Variants in ITGA11 observed in about 807,000 individuals in gnomAD.
ITGA11 encodes the protein integrin alpha-11.
Under a neutral mutation model 141.9 loss-of-function variants are expected in ITGA11, and 97 were observed. The observed-to-expected ratio is 0.68, with a 90% confidence interval of 0.58 to 0.81. The LOEUF (loss-of-function observed/expected upper bound fraction) is 0.81, where lower values mean the gene tolerates loss of function less well. Ranked by LOEUF, ITGA11 falls within the 30% of genes least tolerant of loss-of-function variation. ITGA11 has a pLI of 0.00. For synonymous variants in ITGA11, 658 were observed against 624.6 expected, an observed-to-expected ratio of 1.05 and a Z score of -0.80; for missense variants, 1,387 against 1,559.2, an observed-to-expected ratio of 0.89 and a Z score of 1.86.
In ITGA11 at chr15:68,302,085, T is replaced by TAGG. The variant is rs1893049188; in HGVS notation, c.*973_*974insCCT. On this transcript the variant is annotated 3_prime_UTR_variant, in exon 30 of 30. Transcript: ENST00000315757. Reference sequence around the variant, plus strand: ...GTGTGTGTGTGTGTGTGTGTGTGTGTGTGTGTGTGTGTGTGTGTGTGTGTG... The same window carrying TAGG: ...GTGTGTGTGTGTGTGTGTGTGTGTGTAGGGTGTGTGTGTGTGTGTGTGTGTGTG... 4 of 73,842 alleles carry TAGG rather than the reference T, an allele frequency of 5.4e-5. No individual in the cohort carries two copies. The highest frequency in any genetic ancestry group is 6.4e-5 in the Non-Finnish European group (2 of 31,228). The allele number at this position is 73,842 out of a possible 1,614,324, so 4.6% of individuals were successfully genotyped here. A position where few individuals can be genotyped will look rare whatever the true frequency, so the allele number is the denominator to read the frequency against.
chr15:68,374,794 C>G (rs1895687143), intron 2 of ITGA11, among the ~76,000 whole-genome samples: 3 of 152,252 alleles, frequency 2.0e-5, no homozygotes, highest in Admixed American at 2.0e-4. Context: ...TGGGTTCAAT[C>G]CCCTCCCTGA....
intron 25 of ITGA11, 62 bp downstream of exon 25, chr15:68,311,228 T>G (rs1317722930): frequency 3.8e-6 from 5 of 1,306,204 alleles, no homozygotes; most frequent in Non-Finnish European, 5.4e-6. Flanking sequence ...GGGACACACG[T>G]AGGGGGAGTG....
intron 2 of ITGA11, among the ~76,000 whole-genome samples, chr15:68,373,585 ACT>A (rs1895650633): frequency 2.0e-5 from 3 of 151,962 alleles, no homozygotes; most frequent in African/African-American, 7.2e-5. Context: ...AGGGATTCTG[ACT>A]CTATTCCCAG....
chr15:68,404,459 A>G (rs1896592442), intron 1 of ITGA11, among the ~76,000 whole-genome samples: 1 of 152,124 alleles, frequency 6.6e-6, no homozygotes, highest in Admixed American at 6.5e-5. Context: ...CAAATGCTTT[A>G]CCCCTTTGGG....
In ITGA11 at chr15:68,343,395, C is replaced by T. The variant is rs538090767; in HGVS notation, c.1132-3751G>A. Among the ~76,000 whole-genome samples the T allele has an allele frequency of 2.7e-3, 406 of 152,272 alleles. 3 individuals are homozygous for T. The highest frequency in any genetic ancestry group is 9.4e-3 in the African/African-American group (390 of 41,554). ...TAGTAAGTCTCAAAACGAACACTTC[C>T]AGTTCCAAGCCTTGATTCGATTTCA... On this transcript the variant is annotated intron_variant, in intron 10 of 29. Transcript: ENST00000315757.
intron 15 of ITGA11, among the ~76,000 whole-genome samples, chr15:68,330,002 G>A (rs1191058869): frequency 2.6e-5 from 4 of 152,212 alleles, no homozygotes; most frequent in Non-Finnish European, 4.4e-5. Context: ...GCTGTTTTAC[G>A]CCACACTGGA....
intron 10 of ITGA11, among the ~76,000 whole-genome samples, chr15:68,348,472 G>A (rs543844579): frequency 2.6e-5 from 4 of 152,334 alleles, no homozygotes; most frequent in Admixed American, 6.5e-5. Context: ...GGCACACCCC[G>A]CGCCTCACAG....
rs564461481 is a variant in ITGA11, at chr15:68,322,654, G to A, written c.2323-1151C>T. Among the ~76,000 whole-genome samples, 1 of 152,142 alleles carries A rather than the reference G, an allele frequency of 6.6e-6. No individual in the cohort carries two copies. Among genetic ancestry groups the A allele is most frequent in the South Asian group, 2.1e-4 (1 of 4,810 alleles). Reference sequence around the variant, plus strand: ...GGCTGAGACAGGTGGATCAACTGAGGTCAGGAGTTCAAGAACAACCAGGCC... The same window carrying A: ...GGCTGAGACAGGTGGATCAACTGAGATCAGGAGTTCAAGAACAACCAGGCC... On this transcript the variant is annotated intron_variant, in intron 18 of 29. Transcript: ENST00000315757. This position sits in a 1 kb window ranked among gnomAD's most constrained non-coding sequence, Gnocchi z 5.6.
chr15:68,393,084 C>T (rs1419983394), intron 2 of ITGA11, among the ~76,000 whole-genome samples: 2 of 152,102 alleles, frequency 1.3e-5, no homozygotes, highest in Admixed American at 1.3e-4. Flanking sequence ...AATAAAATAT[C>T]TGTAATAAAG....
intron 10 of ITGA11, among the ~76,000 whole-genome samples, chr15:68,343,713 G>T (rs1894644236): frequency 6.6e-6 from 1 of 152,180 alleles, no homozygotes; most frequent in Non-Finnish European, 1.5e-5. Context: ...GGCTGTAGAG[G>T]GGTGAGGCTC....
chr15:68,428,332 G>C (rs996420158), intron 1 of ITGA11, among the ~76,000 whole-genome samples: 7 of 152,094 alleles, frequency 4.6e-5, no homozygotes, highest in Non-Finnish European at 8.8e-5. Flanking sequence ...ACTACAGGAG[G>C]GTGGAAAAAG....
chr15:68,361,542 T>C, intron 5 of ITGA11, 48 bp downstream of exon 5: 1 of 1,280,416 alleles, frequency 7.8e-7, no homozygotes. Flanking sequence ...CAAGTCTCTC[T>C]GGACTGTCCA....
Position 68,400,687 on chromosome 15 carries a change from T to TATATTATATATTATATAATAA in ITGA11, c.164+2210_164+2230dup, listed in dbSNP as rs1293943986. Among the ~76,000 whole-genome samples the TATATTATATATTATATAATAA allele has an allele frequency of 3.2e-3, 108 of 34,150 alleles. 10 individuals carry two copies. The highest frequency in any genetic ancestry group is 4.3e-3 in the Non-Finnish European group (95 of 22,306). 22.4% of individuals were successfully genotyped at this position (34,150 alleles called of 152,430 possible). A position where few individuals can be genotyped will look rare whatever the true frequency, so the allele number is the denominator to read the frequency against. ...ATATTATATATTATATAATAAATAT[T>TATATTATATATTATATAATAA]ATATTATATATTATATAATAAATAT... is the stretch of plus-strand genomic sequence containing the variant. On this transcript the variant is annotated intron_variant, in intron 2 of 29. Coordinates refer to ENST00000315757, the MANE Select transcript of ITGA11 (RefSeq NM_001004439.2).
At chr15:68,366,652 G>C (rs1020180157) in intron 3 of ITGA11, among the ~76,000 whole-genome samples, 1 of 152,136 alleles carries the variant, frequency 6.6e-6, no homozygotes, top group Non-Finnish European at 1.5e-5. Flanking sequence ...AAATCCCTGT[G>C]TTGGAGTTAG....
intron 13 of ITGA11, 39 bp from the exon 14 acceptor site, chr15:68,332,101 G>T: frequency 6.6e-7 from 1 of 1,514,050 alleles, no homozygotes; most frequent in Non-Finnish European, 9.0e-7. Context: ...GGGAGGGTTT[G>T]GCAAAAGTCC....
At position 68,412,314 on chromosome 15, in the gene ITGA11, A is replaced by G. The variant is rs534534276; in HGVS notation, c.53-9285T>C. ...ACTCAAGATCTCATCAGGAAGACCC[A>G]ACATTAGGCAGAGCTGGGCCCGGGC... On this transcript the variant is annotated intron_variant, in intron 1 of 29. Coordinates refer to ENST00000315757, the MANE Select transcript of ITGA11 (RefSeq NM_001004439.2). Among the ~76,000 whole-genome samples, 6 of 152,252 alleles carry G rather than the reference A, an allele frequency of 3.9e-5. No individual in the cohort carries two copies. In the East Asian group the frequency reaches 7.8e-4, roughly 20 times the overall value.
At chr15:68,421,951 A>G (rs1489919671) in intron 1 of ITGA11, among the ~76,000 whole-genome samples, 1 of 152,226 alleles carries the variant, frequency 6.6e-6, no homozygotes, top group Admixed American at 6.5e-5. Context: ...CACCATCAGC[A>G]GCAAGCACAT....
At chr15:68,361,097 G>A (rs549259038) in intron 5 of ITGA11, among the ~76,000 whole-genome samples, 1 of 152,172 alleles carries the variant, frequency 6.6e-6, no homozygotes, top group African/African-American at 2.4e-5. Context: ...GGCTCTGGAC[G>A]AGCTGGACAG....
chr15:68,396,141 C>G (rs1358893128), intron 2 of ITGA11, among the ~76,000 whole-genome samples: 1 of 151,812 alleles, frequency 6.6e-6, no homozygotes, highest in African/African-American at 2.4e-5. Context: ...TACAAATACC[C>G]CAACAGAAAC....
Sources: allele counts gnomAD v4.1 joint callset (sites outside exome capture counted in the v4.1 genomes callset), GRCh38; gene constraint gnomAD v4.1.1; non-coding constraint Gnocchi (gnomAD v3.1); transcripts MANE v1.5; gene names NCBI Gene and HGNC (gene_info 2026-07-23, HGNC 2026-07-21).